GOLPH3L: variants seen among roughly 807,000 people sequenced by gnomAD.
GOLPH3L encodes golgi phosphoprotein 3 like.
In GOLPH3L, 22 loss-of-function variants were observed where a neutral mutation model predicts 30.3. That is an observed-to-expected ratio of 0.73 (90% CI 0.52 to 1.04). The LOEUF is 1.04. Among genes scored for constraint, GOLPH3L ranks in the 50% least tolerant of loss-of-function variants. The pLI, the probability that GOLPH3L is intolerant of heterozygous loss-of-function variation, is 0.00. For synonymous variants in GOLPH3L, 120 were observed against 128.2 expected (o/e 0.94, Z 0.43); for missense variants, 303 against 345.8 (o/e 0.88, Z 0.98).
At chr1:150,657,318 C>T (rs987409490) in intron 4 of GOLPH3L, among the ~76,000 whole-genome samples, 30 of 152,342 alleles carry the variant, frequency 2.0e-4, no homozygotes, top group African/African-American at 5.3e-4. Context: ...TAAACACTTT[C>T]GCAATTTAAC....
At chr1:150,656,188 T>C (rs1650236380) in intron 4 of GOLPH3L, among the ~76,000 whole-genome samples, 1 of 152,194 alleles carries the variant, frequency 6.6e-6, no homozygotes, top group African/African-American at 2.4e-5. Flanking sequence ...CTTGCAAAAT[T>C]CGATTTCTCG....
chr1:150,650,052 A>G (rs1319758680), intron 4 of GOLPH3L, among the ~76,000 whole-genome samples: 1 of 152,138 alleles, frequency 6.6e-6, no homozygotes, highest in Non-Finnish European at 1.5e-5. Context: ...GTGTATGTCC[A>G]AGGATGTACT....
chr1:150,660,574 T>C (rs1391978868), intron 4 of GOLPH3L, among the ~76,000 whole-genome samples: 1 of 152,204 alleles, frequency 6.6e-6, no homozygotes, highest in Non-Finnish European at 1.5e-5. Context: ...AAGTGTTATA[T>C]ACATACAACG....
chr1:150,674,648 G>A (rs1650728562), intron 2 of GOLPH3L, among the ~76,000 whole-genome samples: 1 of 152,006 alleles, frequency 6.6e-6, no homozygotes, highest in African/African-American at 2.4e-5. Context: ...GCTGAGGCGG[G>A]AGGATAGCTG....
intron 2 of GOLPH3L, among the ~76,000 whole-genome samples, chr1:150,665,754 C>A (rs763218446): frequency 6.6e-6 from 1 of 152,034 alleles, no homozygotes. Flanking sequence ...CAGGTGCTTA[C>A]GAATTTCTTT....
chr1:150,678,527 A>G (rs775622074), intron 2 of GOLPH3L, among the ~76,000 whole-genome samples: 16 of 152,056 alleles, frequency 1.1e-4, no homozygotes, highest in Non-Finnish European at 2.1e-4. Flanking sequence ...TGTATATTCT[A>G]TTCTATAACT....
At chr1:150,667,277 TA>T (rs953531618) in intron 2 of GOLPH3L, among the ~76,000 whole-genome samples, 3 of 152,228 alleles carry the variant, frequency 2.0e-5, no homozygotes, top group African/African-American at 7.2e-5. Flanking sequence ...AATAATACAT[TA>T]AAAATTAAGC....
At chr1:150,678,062 G>A (rs1339724506) in intron 2 of GOLPH3L, among the ~76,000 whole-genome samples, 4 of 151,742 alleles carry the variant, frequency 2.6e-5, no homozygotes, top group African/African-American at 9.7e-5. Context: ...CACTTTGGGA[G>A]GCTGATGTGG....
At position 150,684,022 on chromosome 1, in the gene GOLPH3L, G is replaced by A. The variant is rs1415041588; in HGVS notation, c.183+10634C>T. On this transcript the variant is annotated intron_variant, in intron 2 of 4. Coordinates refer to ENST00000271732, the MANE Select transcript of GOLPH3L (RefSeq NM_018178.6). ...GAAGAGGTGATTAAGTTAAAATGAG[G>A]GTGTTATAGTGGGCCCTAAACCAAT... Among the ~76,000 whole-genome samples the A allele has an allele frequency of 5.3e-5, 8 of 152,034 alleles. 1 individual carries two copies. Among genetic ancestry groups the A allele is most frequent in the African/African-American group, 1.9e-4 (8 of 41,382 alleles).
At chr1:150,691,051 T>C (rs1437519809) in intron 2 of GOLPH3L, among the ~76,000 whole-genome samples, 1 of 152,156 alleles carries the variant, frequency 6.6e-6, no homozygotes, top group East Asian at 1.9e-4. Context: ...CCCAGCACTT[T>C]GGGAGGCCAA....
intron 4 of GOLPH3L, among the ~76,000 whole-genome samples, chr1:150,655,130 A>G (rs1229284108): frequency 6.6e-6 from 1 of 152,306 alleles, no homozygotes. Context: ...TTACTGATAA[A>G]TGTCCTACCT....
chr1:150,675,870 G>C (rs1007508073), intron 2 of GOLPH3L, among the ~76,000 whole-genome samples: 4 of 151,122 alleles, frequency 2.6e-5, no homozygotes, highest in Non-Finnish European at 5.9e-5. Flanking sequence ...TTTCACTACA[G>C]GGAGTCAGTA....
Position 150,646,604 on chromosome 1 carries a change from C to T in GOLPH3L, c.*1717G>A, listed in dbSNP as rs587727812. 1.3e-5 allele frequency: 2 copies of T among 152,042 alleles called. No homozygotes were observed. The highest frequency in any genetic ancestry group is 2.4e-5 in the African/African-American group (1 of 41,448). 9.4% of individuals were successfully genotyped at this position (152,042 alleles called of 1,614,324 possible). On this transcript the variant is annotated 3_prime_UTR_variant, in exon 5 of 5. Transcript: ENST00000271732. ...TATATCTCTATTTGCCTAAGAGATA[C>T]CTAAAGTGAAAAACAAAAAAATGTT... is the stretch of plus-strand genomic sequence containing the variant.
rs1343108156 is a variant in GOLPH3L, at chr1:150,653,784, T to C, written c.431-5036A>G. Among the ~76,000 whole-genome samples, 6 of 150,106 alleles carry C rather than the reference T, an allele frequency of 4.0e-5. No individual in the cohort carries two copies. In the South Asian group the frequency reaches 1.3e-3, roughly 32 times the overall value. Reference sequence around the variant, plus strand: ...CTATCTTTTGTTTTTTTTTTTGAGATGGAGTTTCACTCTTGTCACCCAGGC... The same window carrying C: ...CTATCTTTTGTTTTTTTTTTTGAGACGGAGTTTCACTCTTGTCACCCAGGC... On this transcript the variant is annotated intron_variant, in intron 4 of 4. Coordinates refer to ENST00000271732, the MANE Select transcript of GOLPH3L (RefSeq NM_018178.6).
chr1:150,696,081 T>C (rs1233557438), intron 1 of GOLPH3L, among the ~76,000 whole-genome samples: 2 of 152,184 alleles, frequency 1.3e-5, no homozygotes, highest in Non-Finnish European at 2.9e-5. Flanking sequence ...TAAAGGAGTA[T>C]CTTTTTCAAG....
chr1:150,674,353 T>C (rs2101802651), intron 2 of GOLPH3L, among the ~76,000 whole-genome samples: 1 of 151,758 alleles, frequency 6.6e-6, no homozygotes, highest in Non-Finnish European at 1.5e-5. Context: ...CTCCGCCTCC[T>C]GGGCTCAAGC....
chr1:150,695,621 T>G (rs1651334412), intron 1 of GOLPH3L, among the ~76,000 whole-genome samples: 3 of 152,004 alleles, frequency 2.0e-5, no homozygotes, highest in African/African-American at 7.2e-5. Context: ...GGTACTACAT[T>G]ATAAAAAAAC....
At chr1:150,688,300 A>T (rs587752267) in intron 2 of GOLPH3L, among the ~76,000 whole-genome samples, 1 of 152,362 alleles carries the variant, frequency 6.6e-6, no homozygotes, top group South Asian at 2.1e-4. Context: ...CTTCAGTTTT[A>T]AAACACTGGA....
chr1:150,688,089 G>C (rs1485718969), intron 2 of GOLPH3L, among the ~76,000 whole-genome samples: 2 of 152,202 alleles, frequency 1.3e-5, no homozygotes, highest in Non-Finnish European at 2.9e-5. Context: ...AGGGAAGTGG[G>C]CAGCATGTGA....
Sources: allele counts gnomAD v4.1 joint callset (sites outside exome capture counted in the v4.1 genomes callset), GRCh38; gene constraint gnomAD v4.1.1; transcripts MANE v1.5; gene names NCBI Gene and HGNC (gene_info 2026-07-23, HGNC 2026-07-21).